Variants in CSMD1 observed in about 807,000 individuals in gnomAD.
CSMD1 encodes the protein CUB and Sushi multiple domains 1.
CSMD1 carries 213 observed loss-of-function variants against 417.5 expected under a neutral mutation model. That is an observed-to-expected ratio of 0.51 (90% confidence interval 0.46 to 0.57). The LOEUF (loss-of-function observed/expected upper bound fraction) is 0.57. Among genes scored for constraint, CSMD1 ranks in the 20% least tolerant of loss-of-function variants. CSMD1 has a pLI of 0.00. For missense variants in CSMD1, 6,923 were observed against 4,529.7 expected (o/e 1.53, Z -15.17); for synonymous variants, 2,862 against 1,736.8 (o/e 1.65, Z -16.11).
intron 7 of CSMD1, among the ~76,000 whole-genome samples, chr8:3,693,300 G>T (rs1033598096): frequency 6.6e-6 from 1 of 152,116 alleles, no homozygotes; most frequent in Non-Finnish European, 1.5e-5. Context: ...TATTCTAGGA[G>T]AAAATGAAAT....
chr8:3,369,483 A>T, intron 18 of CSMD1, 113 bp from the exon 19 acceptor site: 1 of 615,370 alleles, frequency 1.6e-6, no homozygotes, highest in Non-Finnish European at 2.9e-6. Flanking sequence ...ATTTAATGTC[A>T]TATCCAAGAA....
intron 3 of CSMD1, among the ~76,000 whole-genome samples, chr8:4,368,568 T>G (rs1802225474): frequency 6.6e-6 from 1 of 152,152 alleles, no homozygotes. Context: ...TTTTTGTACA[T>G]CTGGTAAAAT....
chr8:4,642,409 C>T (rs905369615), intron 1 of CSMD1, among the ~76,000 whole-genome samples: 3 of 152,204 alleles, frequency 2.0e-5, no homozygotes, highest in Non-Finnish European at 4.4e-5. Context: ...GTTGGCTCCT[C>T]TCCCGGGCTG....
At chr8:4,788,435 A>G in intron 1 of CSMD1, 1 of 1,332,924 alleles carries the variant, frequency 7.5e-7, no homozygotes, top group African/African-American at 1.5e-5. Flanking sequence ...TGGCTGTTCA[A>G]CCACACTTTC....
intron 57 of CSMD1, among the ~76,000 whole-genome samples, chr8:2,968,102 AG>A (rs1804130032): frequency 6.6e-6 from 1 of 152,210 alleles, no homozygotes; most frequent in South Asian, 2.1e-4. Context: ...ATACTATTTA[AG>A]GCTCTCTAAA....
intron 1 of CSMD1, among the ~76,000 whole-genome samples, chr8:4,764,885 A>ACAAAAAAAAAAAAAAAACAAAAC (rs1263324929): frequency 6.7e-5 from 5 of 74,778 alleles, no homozygotes; most frequent in Middle Eastern, 7.6e-3. Flanking sequence ...AAAAAAAAAA[A>ACAAAAAAAAAAAAAAAACAAAAC]AAAAAAAAAC....
At chr8:4,187,680 A>AAAG (rs1482309225) in intron 3 of CSMD1, among the ~76,000 whole-genome samples, 1 of 151,400 alleles carries the variant, frequency 6.6e-6, no homozygotes, top group Non-Finnish European at 1.5e-5. Context: ...CCGTCTCAAA[A>AAAG]AAAAAAAAAA....
intron 9 of CSMD1, among the ~76,000 whole-genome samples, chr8:3,580,888 A>G (rs1025054713): frequency 2.0e-5 from 3 of 152,252 alleles, no homozygotes; most frequent in Admixed American, 6.5e-5. Flanking sequence ...AAAAAGCTGT[A>G]AAAGTTTTTG....
At position 4,896,812 on chromosome 8, in the gene CSMD1, G is replaced by C. The variant is rs146424781; in HGVS notation, c.85+97520C>G. On this transcript the variant is annotated intron_variant, in intron 1 of 69. Transcript: ENST00000635120. The stretch of plus-strand genomic sequence containing the variant: ...CCAGCGGGGTAGGGCGGGGGGAAGT[G>C]CAGGGCTATCCAGTGAGAGCCGGAG... 8.8e-3 allele frequency among the ~76,000 whole-genome samples: 1,331 copies of C among 152,092 alleles called. 26 individuals are homozygous for C. The highest frequency in any genetic ancestry group is 0.03 in the African/African-American group (1,223 of 41,406).
At chr8:3,786,114 T>C (rs867882902) in intron 5 of CSMD1, among the ~76,000 whole-genome samples, 2 of 152,020 alleles carry the variant, frequency 1.3e-5, no homozygotes, top group Admixed American at 1.3e-4. Context: ...AGTTTGTGAA[T>C]CAAATAGAGG....
intron 5 of CSMD1, among the ~76,000 whole-genome samples, chr8:3,821,669 C>G (rs1172846648): frequency 1.3e-5 from 2 of 152,176 alleles, no homozygotes; most frequent in Admixed American, 6.5e-5. Flanking sequence ...GTAATCCCAA[C>G]TACTCAGGAG....
At chr8:3,830,761 A>G (rs1159776073) in intron 5 of CSMD1, among the ~76,000 whole-genome samples, 1 of 152,190 alleles carries the variant, frequency 6.6e-6, no homozygotes, top group Non-Finnish European at 1.5e-5. Flanking sequence ...AAAGAACTTA[A>G]TCTCAAGATG....
chr8:4,716,835 G>A (rs1023598405), intron 1 of CSMD1, among the ~76,000 whole-genome samples: 1 of 152,046 alleles, frequency 6.6e-6, no homozygotes, highest in Non-Finnish European at 1.5e-5. Context: ...AGCAACTAAT[G>A]AATTTGAAAC....
chr8:4,275,315 G>A (rs576346028), intron 3 of CSMD1, among the ~76,000 whole-genome samples: 2 of 152,164 alleles, frequency 1.3e-5, no homozygotes, highest in African/African-American at 4.8e-5. Flanking sequence ...AAGGTCAGAA[G>A]GTATAAAGCT....
At chr8:3,851,393 G>A (rs1803895498) in intron 5 of CSMD1, among the ~76,000 whole-genome samples, 1 of 152,110 alleles carries the variant, frequency 6.6e-6, no homozygotes, top group Non-Finnish European at 1.5e-5. Flanking sequence ...TATCTCTTTT[G>A]GCATGGACAT....
At chr8:3,248,523 C>CTTTTTTTTTTTTTTTTTT (rs10663439) in intron 26 of CSMD1, among the ~76,000 whole-genome samples, 2 of 85,946 alleles carry the variant, frequency 2.3e-5, no homozygotes, top group Non-Finnish European at 2.2e-5. Context: ...AATTCCCTCC[C>CTTTTTTTTTTTTTTTTTT]TTTTTTTTTT....
chr8:3,643,897 G>A (rs910611238), intron 7 of CSMD1, among the ~76,000 whole-genome samples: 6 of 152,060 alleles, frequency 3.9e-5, no homozygotes, highest in Non-Finnish European at 5.9e-5. Context: ...TTTGCTATCT[G>A]GGCAAGAGAT....
intron 3 of CSMD1, among the ~76,000 whole-genome samples, chr8:4,224,214 T>C (rs1317699512): frequency 9.4e-6 from 1 of 105,920 alleles, no homozygotes; most frequent in African/African-American, 3.8e-5. Flanking sequence ...GTGATCCAAG[T>C]CCTAAAAAGG....
chr8:3,615,328 G>C (rs1332379565), intron 8 of CSMD1, among the ~76,000 whole-genome samples: 1 of 152,122 alleles, frequency 6.6e-6, no homozygotes, highest in Non-Finnish European at 1.5e-5. Context: ...TGAGTCTCCA[G>C]TAAAAACATC....
Sources: gnomAD v4.1 joint callset for allele counts (sites outside exome capture counted in the v4.1 genomes callset) on GRCh38, gnomAD v4.1.1 for gene constraint, MANE v1.5 for transcripts, NCBI Gene and HGNC (gene_info 2026-07-23, HGNC 2026-07-21) for gene names.